LRFN2: variants seen among roughly 807,000 people sequenced by gnomAD.
LRFN2 encodes leucine rich repeat and fibronectin type III domain containing 2.
In LRFN2, 18 loss-of-function variants were observed where a neutral mutation model predicts 37.3. The ratio of observed to expected loss-of-function variants is 0.48; its 90% CI spans 0.33 to 0.72. The LOEUF (loss-of-function observed/expected upper bound fraction) is 0.72. Among genes scored for constraint, LRFN2 ranks in the 30% least tolerant of loss-of-function variants. The pLI, the probability that LRFN2 is intolerant of heterozygous loss-of-function variation, is 0.02. For missense variants in LRFN2, 1,006 were observed against 1,060.7 expected (o/e 0.95, Z 0.72); for synonymous variants, 556 against 466.6 (o/e 1.19, Z -2.47).
At chr6:40,525,176 G>C (rs548458690) in intron 1 of LRFN2, among the ~76,000 whole-genome samples, 1 of 152,136 alleles carries the variant, frequency 6.6e-6, no homozygotes, top group East Asian at 1.9e-4. Context: ...GGCCATGCTG[G>C]TGATTCCAGG....
intron 2 of LRFN2, among the ~76,000 whole-genome samples, chr6:40,416,679 A>G (rs1455715258): frequency 6.6e-6 from 1 of 152,058 alleles, no homozygotes; most frequent in Non-Finnish European, 1.5e-5. Context: ...ATAAGTCCAC[A>G]CAGGAGAACT....
chr6:40,457,629 A>T (rs1006963922), intron 1 of LRFN2, among the ~76,000 whole-genome samples: 2 of 122,282 alleles, frequency 1.6e-5, no homozygotes, highest in Non-Finnish European at 3.5e-5. Context: ...ACAAAGAAAG[A>T]CCCTGTTTAA....
At chr6:40,505,800 G>GC (rs1405561917) in intron 1 of LRFN2, among the ~76,000 whole-genome samples, 1 of 152,238 alleles carries the variant, frequency 6.6e-6, no homozygotes, top group Non-Finnish European at 1.5e-5. Context: ...CCTGGCAGGG[G>GC]TTGGGGGGTC....
chr6:40,432,603 G>A lies in LRFN2; in HGVS notation c.511C>T (p.Arg171Cys), dbSNP rs375737141. The A allele has an allele frequency of 1.7e-5, 27 of 1,614,196 alleles. No homozygotes were observed. Among genetic ancestry groups the A allele is most frequent in the East Asian group, 2.2e-5 (1 of 44,872 alleles). Reference protein sequence around the residue: ...LHGLPWDSVRRMVNLHQLSLD... With the variant: ...LHGLPWDSVRCMVNLHQLSLD... ...CTCAGCTGGTGGAGGTTGACCATGC[G>A]TCGCACGGAGTCCCACGGCAGGCCA... Residue 171 changes from arginine (R) to cysteine (C), a missense_variant, in exon 2 of 3, where the codon CGC becomes TGC. Transcript: ENST00000338305.
At chr6:40,508,102 C>T (rs1234489511) in intron 1 of LRFN2, among the ~76,000 whole-genome samples, 8 of 152,292 alleles carry the variant, frequency 5.3e-5, no homozygotes, top group South Asian at 2.1e-4. Context: ...CTTCACCAGC[C>T]GTCACCTTGG....
intron 1 of LRFN2, among the ~76,000 whole-genome samples, chr6:40,536,662 A>G (rs529899644): frequency 6.6e-6 from 1 of 152,170 alleles, no homozygotes; most frequent in Non-Finnish European, 1.5e-5. Flanking sequence ...GTGCTGGGAG[A>G]GCTTGCCTGC....
chr6:40,562,313 C>T (rs530904579), intron 1 of LRFN2, among the ~76,000 whole-genome samples: 18 of 152,092 alleles, frequency 1.2e-4, no homozygotes, highest in African/African-American at 4.1e-4. Flanking sequence ...GGGAAGTACA[C>T]GCTGCCTAAG....
chr6:40,403,261 G>A (rs947694522), intron 2 of LRFN2, among the ~76,000 whole-genome samples: 8 of 152,104 alleles, frequency 5.3e-5, no homozygotes, highest in African/African-American at 1.4e-4. Flanking sequence ...CAGCCTACTG[G>A]TGACTAGTGC....
At chr6:40,485,143 G>A (rs1449257493) in intron 1 of LRFN2, among the ~76,000 whole-genome samples, 1 of 152,206 alleles carries the variant, frequency 6.6e-6, no homozygotes, top group Non-Finnish European at 1.5e-5. Context: ...GGGAGGTCAT[G>A]TGTATAAAAT....
At chr6:40,540,464 C>T (rs1766532888) in intron 1 of LRFN2, among the ~76,000 whole-genome samples, 1 of 152,116 alleles carries the variant, frequency 6.6e-6, no homozygotes, top group Non-Finnish European at 1.5e-5. Context: ...TCCCTCCCCA[C>T]CACCACAGGG....
intron 2 of LRFN2, among the ~76,000 whole-genome samples, chr6:40,409,398 A>G (rs1458878884): frequency 1.3e-5 from 2 of 152,360 alleles, no homozygotes; most frequent in South Asian, 2.1e-4. Context: ...TGGGTTCGTA[A>G]CAGCAATCAT....
chr6:40,585,146 G>A (rs1186813274), intron 1 of LRFN2, among the ~76,000 whole-genome samples: 2 of 152,196 alleles, frequency 1.3e-5, no homozygotes, highest in Non-Finnish European at 2.9e-5. Flanking sequence ...AGATGGAACT[G>A]GGAGCCAACC....
At chr6:40,564,317 T>C (rs1561909426) in intron 1 of LRFN2, among the ~76,000 whole-genome samples, 1 of 152,278 alleles carries the variant, frequency 6.6e-6, no homozygotes, top group East Asian at 1.9e-4. Flanking sequence ...CCAACACTGA[T>C]TGAGGACCTA....
intron 1 of LRFN2, among the ~76,000 whole-genome samples, chr6:40,555,255 A>G (rs1005171172): frequency 7.9e-5 from 12 of 152,154 alleles, no homozygotes; most frequent in Non-Finnish European, 1.8e-4. Flanking sequence ...CATGCCAGTG[A>G]GGTCATCCCT....
At chr6:40,422,746 T>G (rs1166720819) in intron 2 of LRFN2, among the ~76,000 whole-genome samples, 2 of 152,184 alleles carry the variant, frequency 1.3e-5, no homozygotes, top group Non-Finnish European at 2.9e-5. Flanking sequence ...GTAAGCCCTT[T>G]TTGGTGTTTT....
intron 1 of LRFN2, among the ~76,000 whole-genome samples, chr6:40,521,153 C>T (rs1194339762): frequency 3.9e-5 from 6 of 151,934 alleles, no homozygotes; most frequent in Non-Finnish European, 7.4e-5. Context: ...GTGTGTATGC[C>T]ATAGTATGTT....
intron 1 of LRFN2, among the ~76,000 whole-genome samples, chr6:40,528,957 G>T (rs757304185): frequency 2.0e-5 from 3 of 152,110 alleles, no homozygotes; most frequent in Non-Finnish European, 4.4e-5. Context: ...TTATTTACAC[G>T]TTTGGGGAAG....
chr6:40,456,769 G>A (rs1025521561), intron 1 of LRFN2, among the ~76,000 whole-genome samples: 2 of 152,110 alleles, frequency 1.3e-5, no homozygotes, highest in African/African-American at 4.8e-5. Context: ...TGAGGCTCAC[G>A]ACTCCCTCTC....
intron 1 of LRFN2, among the ~76,000 whole-genome samples, chr6:40,491,690 CTGAG>C (rs1238622960): frequency 2.0e-5 from 3 of 149,226 alleles, no homozygotes; most frequent in Non-Finnish European, 3.0e-5. Flanking sequence ...CTTACCCTCT[CTGAG>C]TGTGTTTCCC....
Sources: allele counts gnomAD v4.1 joint callset (sites outside exome capture counted in the v4.1 genomes callset), GRCh38; gene constraint gnomAD v4.1.1; transcripts MANE v1.5; gene names NCBI Gene and HGNC (gene_info 2026-07-23, HGNC 2026-07-21).